The following USP9X variants were observed in gnomAD, a reference collection of about 807,000 sequenced individuals.
USP9X encodes ubiquitin carboxyl-terminal hydrolase 9X.
In USP9X, 7 loss-of-function variants were observed where a neutral mutation model predicts 190.3. The observed-to-expected ratio is 0.04, with a 90% CI of 0.02 to 0.07. The LOEUF is 0.07. Ranked by LOEUF, USP9X falls within the 10% of genes least tolerant of loss-of-function variation. The pLI is 1.00. For synonymous variants in USP9X, 645 were observed against 659.5 expected (o/e 0.98, Z 0.34); for missense variants, 1,010 against 1,916.9 (o/e 0.53, Z 8.83).
At chrX:41,182,620 A>C (rs2062837520) in intron 21 of USP9X, among the ~76,000 whole-genome samples, 1 of 110,715 alleles carries the variant, frequency 9.0e-6, no homozygotes, top group Non-Finnish European at 1.9e-5. Context: ...AAATTATAAA[A>C]ATTCAGCTGC....
intron 1 of USP9X, among the ~76,000 whole-genome samples, chrX:41,121,755 A>G (rs1376159819): frequency 9.0e-6 from 1 of 111,278 alleles, no homozygotes; most frequent in Non-Finnish European, 1.9e-5. Context: ...CCTTACTCCC[A>G]GATACTGTAA....
chrX:41,157,176 C>G (rs1020975162), intron 14 of USP9X, among the ~76,000 whole-genome samples: 1 of 111,638 alleles, frequency 9.0e-6, no homozygotes, highest in Admixed American at 9.5e-5. Context: ...ATAAGCTACC[C>G]CGACTCAGGG....
chrX:41,189,464 C>T lies in USP9X; in HGVS notation c.3966C>T (p.His1322=), dbSNP rs1254747430. 2.5e-5 allele frequency: 30 copies of T among 1,199,414 alleles called. No homozygotes were observed. Among genetic ancestry groups the T allele is most frequent in the Non-Finnish European group, 3.3e-5 (29 of 889,406 alleles). ...WQTFIIDLLL[H]CHSKTVRQVA... The stretch of plus-strand genomic sequence containing the variant: ...CATTCATCATTGACTTACTATTGCA[C>T]TGTCACAGCAAGTAAGTATCTTTTT... The change falls in exon 26 of 45, where the codon CAC becomes CAT. Residue 1322 remains histidine, a synonymous_variant. Coordinates refer to ENST00000378308, the MANE Select transcript of USP9X (RefSeq NM_001039591.3).
At chrX:41,194,108 C>T (rs961281373) in intron 26 of USP9X, among the ~76,000 whole-genome samples, 6 of 111,859 alleles carry the variant, frequency 5.4e-5, no homozygotes, top group Non-Finnish European at 1.1e-4. Context: ...ACTTGGGTTC[C>T]CCCCAAATTC....
At chrX:41,200,731 G>A (rs923266848) in intron 30 of USP9X, among the ~76,000 whole-genome samples, 1 of 112,147 alleles carries the variant, frequency 8.9e-6, no homozygotes, top group Non-Finnish European at 1.9e-5. Flanking sequence ...TTAAGAAAGT[G>A]AATAATGGCT....
intron 1 of USP9X, among the ~76,000 whole-genome samples, chrX:41,086,651 C>T (rs1032609629): frequency 8.9e-6 from 1 of 112,487 alleles, no homozygotes; most frequent in Non-Finnish European, 1.9e-5. Context: ...CCCGCGATAA[C>T]CCGCAGTTTC....
intron 2 of USP9X, among the ~76,000 whole-genome samples, chrX:41,127,337 CTT>C (rs1179881432): frequency 9.0e-6 from 1 of 111,169 alleles, no homozygotes; most frequent in African/African-American, 3.3e-5. Flanking sequence ...AGGACAGAGA[CTT>C]ATGTATAATT....
chrX:41,164,104 C>T (rs1350378928), intron 15 of USP9X, among the ~76,000 whole-genome samples: 1 of 111,206 alleles, frequency 9.0e-6, no homozygotes, highest in Admixed American at 9.5e-5. Flanking sequence ...ATCTCTTGAC[C>T]TCGTGATCTG....
chrX:41,087,976 A>G (rs1377999302), intron 1 of USP9X, among the ~76,000 whole-genome samples: 1 of 111,649 alleles, frequency 9.0e-6, no homozygotes, highest in Non-Finnish European at 1.9e-5. Flanking sequence ...TTGGTGTTCC[A>G]TAGTCCATAG....
At position 41,184,465 on chromosome X, in the gene USP9X, C is replaced by G; in HGVS notation, c.3348C>G (p.His1116Gln). ...LADDSSDFQF[H>Q]FLKSGGLPLV... ...ATGATTCCTCTGATTTTCAGTTTCA[C>G]TTCTTGAAAAGTGGTGGCCTACCCC... The change falls in exon 23 of 45, where the codon CAC becomes CAG. Residue 1116 changes from histidine to glutamine, a missense_variant. By Grantham distance (24) the His-to-Gln change is conservative. Around this residue, in one of 11 missense-constraint regions of USP9X, gnomAD observed 351 missense variants for 480.8 expected, o/e 0.73. Transcript: ENST00000378308. 1.7e-6 allele frequency: 2 copies of G among 1,211,120 alleles called. No individual in the cohort carries two copies. The highest frequency in any genetic ancestry group is 2.2e-6 in the Non-Finnish European group (2 of 895,347).
intron 33 of USP9X, 27 bp downstream of exon 33, chrX:41,210,709 A>G (rs1282007441): frequency 8.3e-7 from 1 of 1,199,697 alleles, no homozygotes; most frequent in Non-Finnish European, 1.1e-6. Context: ...CATTGAAAGT[A>G]TATGTTGTAC....
intron 6 of USP9X, among the ~76,000 whole-genome samples, chrX:41,137,890 T>C (rs1343243070): frequency 9.0e-6 from 1 of 111,098 alleles, no homozygotes; most frequent in Non-Finnish European, 1.9e-5. Flanking sequence ...ACTTTTTTTT[T>C]TTCTCTATGT....
chrX:41,109,588 C>CA (rs2062093962), intron 1 of USP9X, among the ~76,000 whole-genome samples: 1 of 111,904 alleles, frequency 8.9e-6, no homozygotes, highest in Non-Finnish European at 1.9e-5. Context: ...AATTTAGTGA[C>CA]AAAAATCAGG....
chrX:41,113,920 G>A (rs2062127710), intron 1 of USP9X, among the ~76,000 whole-genome samples: 1 of 112,776 alleles, frequency 8.9e-6, no homozygotes, highest in African/African-American at 3.2e-5. Flanking sequence ...TAGACCACAT[G>A]TGGTGCCACG....
chrX:41,123,364 G>T, intron 1 of USP9X, 107 bp from the exon 2 acceptor site: 1 of 310,023 alleles, frequency 3.2e-6, no homozygotes, highest in Non-Finnish European at 5.7e-6. Context: ...TGTTTGTATA[G>T]CCCCTTTTTC....
intron 38 of USP9X, among the ~76,000 whole-genome samples, chrX:41,222,722 C>G (rs2063275455): frequency 9.1e-6 from 1 of 110,116 alleles, no homozygotes; most frequent in South Asian, 3.9e-4. Flanking sequence ...TCGAGACCAC[C>G]CAGGCCAACA....
intron 1 of USP9X, among the ~76,000 whole-genome samples, chrX:41,100,054 G>A (rs1268888030): frequency 8.9e-6 from 1 of 111,828 alleles, no homozygotes; most frequent in Non-Finnish European, 1.9e-5. Context: ...CCATTTTGAT[G>A]CAAAACCCAG....
At chrX:41,108,713 T>G (rs895136063) in intron 1 of USP9X, among the ~76,000 whole-genome samples, 4 of 111,661 alleles carry the variant, frequency 3.6e-5, no homozygotes, top group Non-Finnish European at 7.5e-5. Flanking sequence ...CACCACTGCT[T>G]CAGAACTGGG....
intron 4 of USP9X, among the ~76,000 whole-genome samples, chrX:41,132,646 G>A (rs1356639876): frequency 9.2e-6 from 1 of 108,777 alleles, no homozygotes; most frequent in Non-Finnish European, 1.9e-5. Context: ...TGTAGAGACA[G>A]ACTGGTTCCC....
Sources: gnomAD v4.1 joint callset for allele counts (sites outside exome capture counted in the v4.1 genomes callset) on GRCh38, gnomAD v4.1.1 for gene constraint, gnomAD v4.1.1 regional missense constraint, MANE v1.5 for transcripts, NCBI Gene and HGNC (gene_info 2026-07-23, HGNC 2026-07-21) for gene names.